The following NAALADL2 variants were observed in gnomAD, a reference collection of about 807,000 sequenced individuals.
The protein encoded by NAALADL2 is N-acetylated alpha-linked acidic dipeptidase like 2, also known as inactive N-acetylated-alpha-linked acidic dipeptidase-like protein 2.
NAALADL2 carries 76 observed loss-of-function variants against 87.2 expected under a neutral mutation model. That is an observed-to-expected ratio of 0.87 (90% CI 0.72 to 1.05). The LOEUF is 1.05. Ranked by LOEUF, NAALADL2 falls within the 50% of genes least tolerant of loss-of-function variation. NAALADL2 has a pLI of 0.00. For missense variants in NAALADL2, 1,089 were observed against 945.8 expected (o/e 1.15, Z -1.99); for synonymous variants, 354 against 331.0 (o/e 1.07, Z -0.75).
intron 1 of NAALADL2, among the ~76,000 whole-genome samples, chr3:174,515,276 C>T (rs1187949961): frequency 6.6e-6 from 1 of 152,030 alleles, no homozygotes; most frequent in Admixed American, 6.6e-5. Context: ...TGTTAAGCCC[C>T]TAGGTTTGGA....
chr3:174,957,805 C>G (rs547314899), intron 1 of NAALADL2, among the ~76,000 whole-genome samples: 38 of 152,018 alleles, frequency 2.5e-4, no homozygotes, highest in African/African-American at 7.9e-4. Context: ...AATAAAGAAG[C>G]TTTGAGGCTC....
chr3:174,634,956 G>A (rs1482642925), intron 2 of NAALADL2, among the ~76,000 whole-genome samples: 1 of 152,018 alleles, frequency 6.6e-6, no homozygotes, highest in African/African-American at 2.4e-5. Flanking sequence ...TTAATTAGTA[G>A]GATTTTTAAA....
At chr3:174,603,229 A>G (rs1718632936) in intron 2 of NAALADL2, among the ~76,000 whole-genome samples, 1 of 151,958 alleles carries the variant, frequency 6.6e-6, no homozygotes, top group Admixed American at 6.6e-5. Context: ...CAGTGAAGCA[A>G]TTGGGTCCCA....
chr3:174,752,993 T>C (rs1734985346), intron 3 of NAALADL2, among the ~76,000 whole-genome samples: 1 of 152,250 alleles, frequency 6.6e-6, no homozygotes, highest in African/African-American at 2.4e-5. Context: ...CATATAAGAC[T>C]TGTGATAGAT....
intron 2 of NAALADL2, among the ~76,000 whole-genome samples, chr3:174,581,639 T>C (rs1305998847): frequency 6.6e-6 from 1 of 152,208 alleles, no homozygotes; most frequent in Non-Finnish European, 1.5e-5. Context: ...AGCAGTGATG[T>C]GTTGCAATTT....
chr3:175,429,109 A>T (rs1263458530), intron 5 of NAALADL2, among the ~76,000 whole-genome samples: 1 of 151,784 alleles, frequency 6.6e-6, no homozygotes, highest in Non-Finnish European at 1.5e-5. Flanking sequence ...GTTGTTTTAG[A>T]ATAAAAGTAT....
At chr3:175,636,426 C>T (rs931400476) in intron 11 of NAALADL2, among the ~76,000 whole-genome samples, 1 of 151,952 alleles carries the variant, frequency 6.6e-6, no homozygotes, top group Non-Finnish European at 1.5e-5. Flanking sequence ...CGGCGGGGCA[C>T]GGTGGCTCAC....
intron 3 of NAALADL2, among the ~76,000 whole-genome samples, chr3:174,850,614 A>G (rs1361067805): frequency 2.6e-5 from 4 of 152,170 alleles, no homozygotes; most frequent in Non-Finnish European, 5.9e-5. Context: ...GTACCCAGAT[A>G]TGTAAAGCAA....
chr3:174,883,702 A>G (rs113549625), intron 1 of NAALADL2, among the ~76,000 whole-genome samples: 3,700 of 152,208 alleles, frequency 0.024, 134 homozygotes, highest in African/African-American at 0.078. Context: ...TGATGACTAC[A>G]TTCTTCTACT....
chr3:175,754,707 C>G (rs1747034292), intron 12 of NAALADL2, among the ~76,000 whole-genome samples: 1 of 152,132 alleles, frequency 6.6e-6, no homozygotes, highest in African/African-American at 2.4e-5. Flanking sequence ...ATTTTTGAGT[C>G]AGAAAGATCA....
At chr3:174,492,127 G>A (rs955897005) in intron 1 of NAALADL2, among the ~76,000 whole-genome samples, 3 of 151,918 alleles carry the variant, frequency 2.0e-5, no homozygotes, top group Admixed American at 6.6e-5. Context: ...AAAATTAGCC[G>A]GGTGTGGTGG....
intron 9 of NAALADL2, among the ~76,000 whole-genome samples, chr3:175,508,191 C>A (rs1730622746): frequency 2.0e-5 from 3 of 152,312 alleles, no homozygotes; most frequent in Non-Finnish European, 4.4e-5. Context: ...CCAAGTCATT[C>A]ATGAGGGATC....
intron 1 of NAALADL2, among the ~76,000 whole-genome samples, chr3:174,891,560 C>G (rs114437334): frequency 0.015 from 2,216 of 152,094 alleles, 52 homozygotes; most frequent in African/African-American, 0.05. Flanking sequence ...GAAAGCAGAC[C>G]CAGACCAAAC....
chr3:174,620,683 TG>T (rs1560098300), intron 2 of NAALADL2, among the ~76,000 whole-genome samples: 1 of 152,042 alleles, frequency 6.6e-6, no homozygotes, highest in African/African-American at 2.4e-5. Flanking sequence ...AGGAAAATCT[TG>T]TAGGTACCAA....
chr3:175,704,748 C>T (rs956003363), intron 11 of NAALADL2, among the ~76,000 whole-genome samples: 1 of 152,172 alleles, frequency 6.6e-6, no homozygotes, highest in African/African-American at 2.4e-5. Context: ...ATTCATATTT[C>T]CCCATGTCTT....
intron 1 of NAALADL2, among the ~76,000 whole-genome samples, chr3:175,050,661 T>A (rs1755264455): frequency 6.6e-6 from 1 of 152,200 alleles, no homozygotes; most frequent in Non-Finnish European, 1.5e-5. Context: ...CTATTGATGA[T>A]GTTAGTTGAG....
At chr3:175,718,736 G>A in intron 11 of NAALADL2, 2 of 1,163,312 alleles carry the variant, frequency 1.7e-6, no homozygotes, top group Non-Finnish European at 2.5e-6. Context: ...GACCAACCTG[G>A]GCAACATAGC....
chr3:175,566,044 G>T (rs1717095142), intron 9 of NAALADL2, among the ~76,000 whole-genome samples: 1 of 151,972 alleles, frequency 6.6e-6, no homozygotes, highest in African/African-American at 2.4e-5. Context: ...TGGCCAGGCT[G>T]GTCTTGAACC....
chr3:175,701,329 T>C (rs945118665), intron 11 of NAALADL2, among the ~76,000 whole-genome samples: 7 of 152,094 alleles, frequency 4.6e-5, no homozygotes, highest in Admixed American at 2.6e-4. Context: ...GTCTGGCTGT[T>C]TTCAGTTGAT....
Sources: allele counts gnomAD v4.1 joint callset (sites outside exome capture counted in the v4.1 genomes callset), GRCh38; gene constraint gnomAD v4.1.1; transcripts MANE v1.5; gene names NCBI Gene and HGNC (gene_info 2026-07-23, HGNC 2026-07-21).